ANK3: variants seen among roughly 807,000 people sequenced by gnomAD.
The protein encoded by ANK3 is ankyrin-3.
A neutral mutation model predicts 370.9 loss-of-function variants in ANK3; 57 were observed. That is an observed-to-expected ratio of 0.15 (90% CI 0.12 to 0.19). The LOEUF is 0.19. Among genes scored for constraint, ANK3 ranks in the 10% least tolerant of loss-of-function variants. The pLI, the probability that ANK3 is intolerant of heterozygous loss-of-function variation, is 1.00. For missense variants in ANK3, 4,439 were observed against 5,302.1 expected (o/e 0.84, Z 5.06); for synonymous variants, 1,929 against 1,946.3 (o/e 0.99, Z 0.23).
At chr10:60,617,354 A>T (rs1295736840) in intron 1 of ANK3, among the ~76,000 whole-genome samples, 3 of 151,922 alleles carry the variant, frequency 2.0e-5, no homozygotes, top group African/African-American at 7.3e-5. Flanking sequence ...ATAACGTGAG[A>T]TGAGTACTTA....
At chr10:60,081,760 C>T (rs921332352) in intron 35 of ANK3, 19 of 276,932 alleles carry the variant, frequency 6.9e-5, no homozygotes, top group East Asian at 9.4e-5. Context: ...GAAGGTAGTG[C>T]GTTATCTCAG....
At chr10:60,255,659 GGAAGGAAGGC>G (rs34024299) in intron 7 of ANK3, among the ~76,000 whole-genome samples, 15,298 of 152,116 alleles carry the variant, frequency 0.1, 1,223 homozygotes, top group East Asian at 0.19. Flanking sequence ...GACATTGAAG[GGAAGGAAGGC>G]CTAAGATGGA....
intron 1 of ANK3, among the ~76,000 whole-genome samples, chr10:60,382,448 A>C: frequency 6.6e-6 from 1 of 152,196 alleles, no homozygotes; most frequent in East Asian, 1.9e-4. Flanking sequence ...ACCAGAACCA[A>C]TTAAATCTAA....
At chr10:60,341,858 G>GT (rs1159689508) in intron 1 of ANK3, among the ~76,000 whole-genome samples, 1 of 152,024 alleles carries the variant, frequency 6.6e-6, no homozygotes, top group Non-Finnish European at 1.5e-5. Context: ...AGAGGCATAG[G>GT]TTTTTTGTTA....
At chr10:60,363,289 T>C (rs1186253657) in intron 1 of ANK3, among the ~76,000 whole-genome samples, 1 of 152,126 alleles carries the variant, frequency 6.6e-6, no homozygotes, top group Admixed American at 6.5e-5. Flanking sequence ...TAAACCGAAA[T>C]AGCACCAGCA....
chr10:60,155,880 G>T (rs6479695), intron 23 of ANK3, among the ~76,000 whole-genome samples: 1 of 151,990 alleles, frequency 6.6e-6, no homozygotes, highest in Non-Finnish European at 1.5e-5. Context: ...GATTTGCCAG[G>T]GGCTCTCAGG....
At chr10:60,602,815 T>G (rs537703613) in intron 2 of ANK3, among the ~76,000 whole-genome samples, 1 of 152,262 alleles carries the variant, frequency 6.6e-6, no homozygotes, top group Non-Finnish European at 1.5e-5. Context: ...ATATACCTGG[T>G]GTTAGACCCT....
chr10:60,192,485 TAC>T (rs1230274256), intron 16 of ANK3, among the ~76,000 whole-genome samples: 3 of 151,106 alleles, frequency 2.0e-5, no homozygotes, highest in Non-Finnish European at 2.9e-5. Flanking sequence ...CACACATAAA[TAC>T]ACACACACAC....
chr10:60,455,981 C>A (rs951335895), intron 2 of ANK3, among the ~76,000 whole-genome samples: 9 of 152,154 alleles, frequency 5.9e-5, no homozygotes, highest in Admixed American at 5.2e-4. Context: ...AAAGGTGAAT[C>A]TGTATTATAA....
At chr10:60,106,680 T>C (rs1384875502) in intron 27 of ANK3, among the ~76,000 whole-genome samples, 2 of 152,198 alleles carry the variant, frequency 1.3e-5, no homozygotes, top group African/African-American at 4.8e-5. Flanking sequence ...ACACTTTCTG[T>C]AAAAGTACTT....
In ANK3 at chr10:60,150,478, C is replaced by T. The variant is rs1480113864; in HGVS notation, c.2615-11391G>A. Among the ~76,000 whole-genome samples the T allele has an allele frequency of 2.6e-5, 4 of 152,270 alleles. No individual in the cohort carries two copies. The South Asian group carries it at 8.3e-4, about 32-fold the overall frequency. On this transcript the variant is annotated intron_variant, in intron 23 of 43. Transcript: ENST00000280772. ...TTCTTGTCACTTAATCTGTTATTCTCTCATGGCACCTGACATGGTTTGGAT... is the reference window on the plus strand; with the variant it reads ...TTCTTGTCACTTAATCTGTTATTCTTTCATGGCACCTGACATGGTTTGGAT...
intron 2 of ANK3, among the ~76,000 whole-genome samples, chr10:60,484,980 C>T (rs78929840): frequency 0.024 from 3,716 of 151,960 alleles, 61 homozygotes; most frequent in South Asian, 0.04. Context: ...ATAATTAAAT[C>T]CGATATTTCC....
At chr10:60,695,819 C>T (rs1225057141) in intron 1 of ANK3, among the ~76,000 whole-genome samples, 1 of 152,064 alleles carries the variant, frequency 6.6e-6, no homozygotes, top group African/African-American at 2.4e-5. Context: ...AAAATTGACA[C>T]CGTAACATCA....
chr10:60,140,257 AT>A, intron 23 of ANK3: 1 of 1,321,924 alleles, frequency 7.6e-7, no homozygotes, highest in Non-Finnish European at 1.1e-6. Context: ...GTACCAAGAG[AT>A]TATTTTAAGT....
chr10:60,119,751 G>A (rs971182643), intron 25 of ANK3, among the ~76,000 whole-genome samples: 10 of 152,150 alleles, frequency 6.6e-5, no homozygotes, highest in South Asian at 2.1e-4. Flanking sequence ...TATCCTGGGC[G>A]AAAGAGCAAG....
At chr10:60,726,724 G>A (rs531922194) in intron 1 of ANK3, among the ~76,000 whole-genome samples, 2 of 152,156 alleles carry the variant, frequency 1.3e-5, no homozygotes, top group East Asian at 1.9e-4. Flanking sequence ...TTGTGGTGGT[G>A]GTTGTACAAC....
chr10:60,079,580 C>T (rs1206509831), intron 36 of ANK3, among the ~76,000 whole-genome samples: 1 of 152,152 alleles, frequency 6.6e-6, no homozygotes, highest in Non-Finnish European at 1.5e-5. Flanking sequence ...CCTCCTTGAA[C>T]TTAAGAAACT....
At chr10:60,201,000 A>C (rs555845075) in intron 12 of ANK3, among the ~76,000 whole-genome samples, 2 of 152,340 alleles carry the variant, frequency 1.3e-5, no homozygotes, top group African/African-American at 4.8e-5. Context: ...AAACAGATAC[A>C]CTGAAATGGA....
At position 60,069,455 on chromosome 10, in the gene ANK3, G is replaced by A. The variant is rs1057521542; in HGVS notation, c.11426C>T (p.Thr3809Ile). 3 of 1,613,906 alleles carry A rather than the reference G, an allele frequency of 1.9e-6. No homozygotes were observed. The highest frequency in any genetic ancestry group is 1.7e-5 in the Admixed American group (1 of 59,992). Residue 3809 changes from threonine to isoleucine, a missense_variant, in exon 37 of 44, where the codon ACA (threonine) becomes ATA (isoleucine). Transcript: ENST00000280772. The stretch of plus-strand genomic sequence containing the variant: ...GGTACAAGTGGGTGCAGAATGTTCT[G>A]TCAGAACTATATTACTCATAATGTT... Reference protein sequence around the residue: ...TDNIMSNIVLTEHSAPTCTTE... With the variant: ...TDNIMSNIVLIEHSAPTCTTE...
Sources: gnomAD v4.1 joint callset for allele counts (sites outside exome capture counted in the v4.1 genomes callset) on GRCh38, gnomAD v4.1.1 for gene constraint, MANE v1.5 for transcripts, NCBI Gene and HGNC (gene_info 2026-07-23, HGNC 2026-07-21) for gene names.